The following TP63 variants were observed in gnomAD, a reference collection of about 807,000 sequenced individuals.
TP63 encodes tumor protein 63.
In TP63, 17 loss-of-function variants were observed where a neutral mutation model predicts 82.8. The observed-to-expected ratio is 0.21, with a 90% CI of 0.14 to 0.31. The LOEUF (loss-of-function observed/expected upper bound fraction) is 0.31. Among genes scored for constraint, TP63 ranks in the 10% least tolerant of loss-of-function variants. The pLI is 1.00. For missense variants in TP63, 648 were observed against 895.3 expected, an observed-to-expected ratio of 0.72 and a Z score of 3.52; for synonymous variants, 330 against 321.7, an observed-to-expected ratio of 1.03 and a Z score of -0.28.
chr3:189,674,496 C>T (rs1277893428), intron 1 of TP63, among the ~76,000 whole-genome samples: 2 of 152,042 alleles, frequency 1.3e-5, no homozygotes, highest in East Asian at 1.9e-4. Flanking sequence ...AATGATTTAT[C>T]GAGGTTACAC....
chr3:189,690,104 C>T (rs1305893860), intron 1 of TP63, among the ~76,000 whole-genome samples: 2 of 132,548 alleles, frequency 1.5e-5, no homozygotes, highest in Non-Finnish European at 3.2e-5. Context: ...CAGCTACTTG[C>T]TAGTTTTGTG....
intron 1 of TP63, among the ~76,000 whole-genome samples, chr3:189,706,553 C>T (rs1268576827): frequency 1.3e-5 from 2 of 152,182 alleles, no homozygotes; most frequent in Non-Finnish European, 1.5e-5. Flanking sequence ...CGTGCCCGGC[C>T]GTGAATTTAC....
intron 4 of TP63, among the ~76,000 whole-genome samples, chr3:189,858,983 A>G (rs1383404140): frequency 6.6e-6 from 1 of 152,064 alleles, no homozygotes; most frequent in Admixed American, 6.6e-5. Flanking sequence ...GGGTGAGGGG[A>G]AATGGGGAAA....
intron 1 of TP63, among the ~76,000 whole-genome samples, chr3:189,651,854 T>A (rs1199389539): frequency 1.4e-5 from 2 of 147,156 alleles, no homozygotes; most frequent in African/African-American, 5.1e-5. Context: ...GGGGAAAAGG[T>A]ACAGCTAAGG....
intron 3 of TP63, among the ~76,000 whole-genome samples, chr3:189,775,135 G>A (rs57113330): frequency 0.26 from 38,268 of 149,834 alleles, 5,886 homozygotes; most frequent in Non-Finnish European, 0.35. Context: ...CAGGAGAATC[G>A]CTGGAACCTG....
the TP63 span, among the ~76,000 whole-genome samples, chr3:189,614,629 CTTCA>C: frequency 2.0e-5 from 3 of 152,270 alleles, no homozygotes; most frequent in Middle Eastern, 3.4e-3. Context: ...ATTTAATTTC[CTTCA>C]TTATTTTGTA....
At chr3:189,620,862 A>AT in the TP63 span, among the ~76,000 whole-genome samples, 1 of 152,038 alleles carries the variant, frequency 6.6e-6, no homozygotes, top group Non-Finnish European at 1.5e-5. Flanking sequence ...CATGATGGCC[A>AT]TTTTTTTTCT....
intron 4 of TP63, among the ~76,000 whole-genome samples, chr3:189,854,304 C>G (rs1716019838): frequency 6.6e-6 from 1 of 152,048 alleles, no homozygotes; most frequent in Admixed American, 6.5e-5. Context: ...AATCTCAGCT[C>G]ACGGCGACCC....
intron 4 of TP63, among the ~76,000 whole-genome samples, chr3:189,847,654 A>G (rs994002390): frequency 6.6e-6 from 1 of 152,178 alleles, no homozygotes; most frequent in African/African-American, 2.4e-5. Flanking sequence ...GGTCCTTTCT[A>G]AATAGGCAAC....
At chr3:189,802,753 C>T (rs116200622) in intron 3 of TP63, among the ~76,000 whole-genome samples, 4 of 152,130 alleles carry the variant, frequency 2.6e-5, no homozygotes, top group Non-Finnish European at 4.4e-5. Flanking sequence ...GCCTCATCCA[C>T]CAGTCACTCA....
chr3:189,758,111 G>C (rs536589878), intron 3 of TP63, among the ~76,000 whole-genome samples: 1 of 152,184 alleles, frequency 6.6e-6, no homozygotes, highest in Admixed American at 6.5e-5. Context: ...TGGAGGTATG[G>C]TTTGGGAATG....
chr3:189,817,294 G>A (rs1430326841), intron 4 of TP63, among the ~76,000 whole-genome samples: 1 of 152,056 alleles, frequency 6.6e-6, no homozygotes, highest in Non-Finnish European at 1.5e-5. Flanking sequence ...TAAATAAGAA[G>A]ACTAATGATT....
intron 5 of TP63, among the ~76,000 whole-genome samples, chr3:189,866,191 A>G (rs1323247116): frequency 2.6e-5 from 4 of 152,194 alleles, no homozygotes; most frequent in African/African-American, 4.8e-5. Context: ...AATCAACACA[A>G]TGTTTAAAAG....
chr3:189,825,621 G>A (rs971700512), intron 4 of TP63, among the ~76,000 whole-genome samples: 5 of 152,062 alleles, frequency 3.3e-5, no homozygotes, highest in African/African-American at 1.2e-4. Flanking sequence ...AATAATATCA[G>A]TATCTATTAA....
At chr3:189,693,535 T>C (rs1228450861) in intron 1 of TP63, among the ~76,000 whole-genome samples, 1 of 152,224 alleles carries the variant, frequency 6.6e-6, no homozygotes, top group Non-Finnish European at 1.5e-5. Context: ...CAAATTATTC[T>C]ACAAATCATG....
At chr3:189,809,431 G>A (rs549306144) in intron 4 of TP63, among the ~76,000 whole-genome samples, 94 of 152,286 alleles carry the variant, frequency 6.2e-4, no homozygotes, top group Non-Finnish European at 1.0e-3. Flanking sequence ...TAAAGCTCAA[G>A]TATAAAAGAG....
chr3:189,769,227 C>T (rs1189894337), intron 3 of TP63, among the ~76,000 whole-genome samples: 2 of 152,130 alleles, frequency 1.3e-5, no homozygotes, highest in Non-Finnish European at 2.9e-5. Context: ...TTTAATACTG[C>T]ATTAAAGGCA....
the TP63 span, among the ~76,000 whole-genome samples, chr3:189,623,806 A>G: frequency 4.6e-5 from 7 of 152,296 alleles, no homozygotes; most frequent in African/African-American, 1.7e-4. Flanking sequence ...TTATAATCAG[A>G]GACCAGACAC....
At chr3:189,664,815 C>T (rs938905524) in intron 1 of TP63, among the ~76,000 whole-genome samples, 1 of 151,904 alleles carries the variant, frequency 6.6e-6, no homozygotes, top group Non-Finnish European at 1.5e-5. Flanking sequence ...TAAGAGAATC[C>T]ATAGCCTTTT....
Sources: allele counts gnomAD v4.1 joint callset (sites outside exome capture counted in the v4.1 genomes callset), GRCh38; gene constraint gnomAD v4.1.1; transcripts MANE v1.5; gene names NCBI Gene and HGNC (gene_info 2026-07-23, HGNC 2026-07-21).